RALYL: variants seen among roughly 807,000 people sequenced by gnomAD.
The protein encoded by RALYL is RNA-binding Raly-like protein.
In RALYL, 29 loss-of-function variants were observed where a neutral mutation model predicts 35.1. The ratio of observed to expected loss-of-function variants is 0.83; its 90% CI spans 0.61 to 1.13. RALYL has a LOEUF of 1.13. Among genes scored for constraint, RALYL ranks in the 50% most tolerant of loss-of-function variants. The pLI, the probability that RALYL is intolerant of heterozygous loss-of-function variation, is 0.00. For synonymous variants in RALYL, 120 were observed against 127.6 expected (o/e 0.94, Z 0.40); for missense variants, 359 against 360.4 (o/e 1.00, Z 0.03).
chr8:84,733,186 C>A, intron 2 of RALYL, among the ~76,000 whole-genome samples: 1 of 152,040 alleles, frequency 6.6e-6, no homozygotes, highest in East Asian at 1.9e-4. Context: ...ATGAAGAGGG[C>A]ACAAACGAAT....
chr8:84,489,986 A>G (rs1052617464), intron 1 of RALYL, among the ~76,000 whole-genome samples: 2 of 151,962 alleles, frequency 1.3e-5, no homozygotes, highest in African/African-American at 4.8e-5. Context: ...AAAGATAAAG[A>G]ATGAAGTTGA....
chr8:84,477,367 A>AT (rs35357257), intron 1 of RALYL, among the ~76,000 whole-genome samples: 54,720 of 149,704 alleles, frequency 0.37, 10,157 homozygotes, highest in South Asian at 0.52. Context: ...ATTTACATAT[A>AT]TTTTAATATA....
chr8:84,403,444 G>C (rs376821771), intron 1 of RALYL, among the ~76,000 whole-genome samples: 74 of 145,598 alleles, frequency 5.1e-4, no homozygotes, highest in African/African-American at 1.8e-3. Flanking sequence ...GTTTTCGTCA[G>C]TTTTGCCAAA....
At chr8:84,392,709 C>G (rs1341822789) in intron 1 of RALYL, among the ~76,000 whole-genome samples, 1 of 151,758 alleles carries the variant, frequency 6.6e-6, no homozygotes, top group African/African-American at 2.4e-5. Context: ...TCCTAGTTGC[C>G]CAAATTTACC....
chr8:84,678,526 C>T (rs987158586), intron 2 of RALYL, among the ~76,000 whole-genome samples: 2 of 152,118 alleles, frequency 1.3e-5, no homozygotes, highest in African/African-American at 4.8e-5. Context: ...CTCGGCCTCC[C>T]AAAGTGCTAG....
chr8:84,343,873 T>C (rs1419013681), intron 1 of RALYL, among the ~76,000 whole-genome samples: 2 of 105,554 alleles, frequency 1.9e-5, no homozygotes, highest in Non-Finnish European at 3.7e-5. Context: ...CAAGAGTTTT[T>C]TTGTTTGTTT....
At chr8:84,663,356 AG>A (rs1367264850) in intron 2 of RALYL, among the ~76,000 whole-genome samples, 1 of 152,068 alleles carries the variant, frequency 6.6e-6, no homozygotes, top group Non-Finnish European at 1.5e-5. Flanking sequence ...CCCAGTAATG[AG>A]ATTGCTGGAG....
At chr8:84,390,133 C>A (rs1860291821) in intron 1 of RALYL, among the ~76,000 whole-genome samples, 1 of 152,016 alleles carries the variant, frequency 6.6e-6, no homozygotes, top group South Asian at 2.1e-4. Flanking sequence ...TGTTTATATG[C>A]TGGATTACAT....
rs550085427 is a variant in RALYL at position 84,603,096 on chromosome 8, A to T, written c.256+73519A>T. Among the ~76,000 whole-genome samples the T allele has an allele frequency of 2.9e-4, 44 of 152,218 alleles. 1 individual carries two copies. Among genetic ancestry groups the T allele is most frequent in the Non-Finnish European group, 1.3e-4 (9 of 67,996 alleles). On this transcript the variant is annotated intron_variant, in intron 2 of 8. Coordinates refer to ENST00000521268, the MANE Select transcript of RALYL (RefSeq NM_173848.7). ...AAAAATGATAAAGATGGTAAATTTT[A>T]TATGTATATTGTACCTCCAAAAAAA...
intron 1 of RALYL, among the ~76,000 whole-genome samples, chr8:84,401,637 CAAAAAAAAAAAA>C (rs71271985): frequency 0.016 from 282 of 17,432 alleles, 2 homozygotes; most frequent in African/African-American, 0.041. Flanking sequence ...GACTCTGTCT[CAAAAAAAAAAAA>C]AAAAAAAAAA....
intron 2 of RALYL, among the ~76,000 whole-genome samples, chr8:84,652,130 A>G (rs1425497665): frequency 6.6e-6 from 1 of 152,096 alleles, no homozygotes; most frequent in Non-Finnish European, 1.5e-5. Flanking sequence ...ATGTGTTTCT[A>G]CAAGTAGGCA....
chr8:84,388,389 G>C (rs990420137), intron 1 of RALYL, among the ~76,000 whole-genome samples: 14 of 152,078 alleles, frequency 9.2e-5, no homozygotes, highest in South Asian at 4.2e-4. Context: ...AATGGTATTT[G>C]TAGTTCTAGA....
intron 1 of RALYL, among the ~76,000 whole-genome samples, chr8:84,478,169 C>T (rs2053634498): frequency 6.6e-6 from 1 of 151,644 alleles, no homozygotes; most frequent in African/African-American, 2.4e-5. Context: ...GTTAAAAACC[C>T]AACAATTTAC....
intron 2 of RALYL, among the ~76,000 whole-genome samples, chr8:84,607,478 T>C (rs1400111216): frequency 6.6e-6 from 1 of 152,178 alleles, no homozygotes; most frequent in Non-Finnish European, 1.5e-5. Flanking sequence ...AACCTTTGCA[T>C]ATTTTCATTT....
chr8:84,261,404 G>A (rs1260205856), intron 1 of RALYL, among the ~76,000 whole-genome samples: 1 of 152,108 alleles, frequency 6.6e-6, no homozygotes. Flanking sequence ...AGTAAGTTCT[G>A]AGGAGATCTG....
intron 1 of RALYL, among the ~76,000 whole-genome samples, chr8:84,320,275 G>T (rs923659977): frequency 2.6e-5 from 4 of 151,790 alleles, no homozygotes; most frequent in African/African-American, 9.7e-5. Context: ...CATGATGAGG[G>T]TTCTAAGCTT....
At chr8:84,840,426 A>C (rs1219354083) in intron 4 of RALYL, among the ~76,000 whole-genome samples, 3 of 151,944 alleles carry the variant, frequency 2.0e-5, no homozygotes, top group Non-Finnish European at 2.9e-5. Flanking sequence ...AGAAAAAAGA[A>C]AAAAGAAATG....
At chr8:84,668,075 T>C (rs1409617707) in intron 2 of RALYL, among the ~76,000 whole-genome samples, 2 of 152,100 alleles carry the variant, frequency 1.3e-5, no homozygotes, top group African/African-American at 4.8e-5. Context: ...TTACCTCCTT[T>C]GATGATGAAA....
intron 1 of RALYL, among the ~76,000 whole-genome samples, chr8:84,524,840 C>G (rs1038874733): frequency 8.6e-5 from 13 of 151,866 alleles, no homozygotes; most frequent in African/African-American, 3.1e-4. Flanking sequence ...GATACTTGAA[C>G]TTTTTATTCT....
Sources: gnomAD v4.1 joint callset for allele counts (sites outside exome capture counted in the v4.1 genomes callset) on GRCh38, gnomAD v4.1.1 for gene constraint, MANE v1.5 for transcripts, NCBI Gene and HGNC (gene_info 2026-07-23, HGNC 2026-07-21) for gene names.